Variants in NKAIN3 observed in about 807,000 individuals in gnomAD.
NKAIN3 encodes the protein sodium/potassium-transporting ATPase subunit beta-1-interacting protein 3.
A neutral mutation model predicts 30.2 loss-of-function variants in NKAIN3; 25 were observed. That is an observed-to-expected ratio of 0.83 (90% CI 0.60 to 1.16). The LOEUF is 1.16. Among genes scored for constraint, NKAIN3 ranks in the 50% most tolerant of loss-of-function variants. The probability of loss-of-function intolerance (pLI) is 0.00; values close to 1 mark genes in which losing one functional copy is unlikely to be tolerated. For synonymous variants in NKAIN3, 91 were observed against 89.6 expected, an observed-to-expected ratio of 1.02 and a Z score of -0.09; for missense variants, 225 against 254.1, an observed-to-expected ratio of 0.89 and a Z score of 0.78.
chr8:62,379,271 G>C (rs2351663), intron 1 of NKAIN3, among the ~76,000 whole-genome samples: 6 of 151,994 alleles, frequency 3.9e-5, no homozygotes, highest in Admixed American at 3.9e-4. Flanking sequence ...GATTTTACAG[G>C]CTTATAGGCA....
intron 4 of NKAIN3, among the ~76,000 whole-genome samples, chr8:62,785,022 T>C (rs558476339): frequency 3.3e-5 from 5 of 152,282 alleles, no homozygotes; most frequent in African/African-American, 1.2e-4. Flanking sequence ...AAATGTAGGA[T>C]GATGCAGCTG....
intron 4 of NKAIN3, among the ~76,000 whole-genome samples, chr8:62,835,151 C>G (rs1200784031): frequency 6.6e-6 from 1 of 150,660 alleles, no homozygotes; most frequent in Admixed American, 6.6e-5. Context: ...GAATACCTAC[C>G]TTTCACATAT....
At chr8:62,741,942 G>C (rs1815910880) in intron 3 of NKAIN3, among the ~76,000 whole-genome samples, 1 of 151,752 alleles carries the variant, frequency 6.6e-6, no homozygotes, top group South Asian at 2.1e-4. Context: ...TTTATTTTTG[G>C]GTTTCTCTGT....
chr8:62,913,252 A>G (rs1413372907), intron 4 of NKAIN3, among the ~76,000 whole-genome samples: 1 of 152,184 alleles, frequency 6.6e-6, no homozygotes, highest in Non-Finnish European at 1.5e-5. Flanking sequence ...ATCAAGTATT[A>G]TATACTATAT....
rs1823713970 is a variant in NKAIN3 at position 62,966,418 on chromosome 8, A to C, written c.*1011A>C. 9 of 981,702 alleles carry C rather than the reference A, an allele frequency of 9.2e-6. No homozygotes were observed. The South Asian group carries it at 3.8e-4, about 41-fold the overall frequency. The allele number at this position is 981,702 out of a possible 1,614,324, so 60.8% of individuals were successfully genotyped here. A position where few individuals can be genotyped will look rare whatever the true frequency, so the allele number is the denominator to read the frequency against. ...AAGGACTGTCTTGAAAACGCATCAC[A>C]GTTGTATTTTTTTAACTGGCATAAA... On this transcript the variant is annotated 3_prime_UTR_variant, in exon 7 of 7. Transcript: ENST00000623646.
chr8:62,420,674 T>C (rs1481198062), intron 1 of NKAIN3, among the ~76,000 whole-genome samples: 2 of 152,170 alleles, frequency 1.3e-5, no homozygotes, highest in African/African-American at 2.4e-5. Flanking sequence ...TAAAAGGATG[T>C]GTTTTGGATT....
chr8:62,628,735 A>G (rs1210731245), intron 3 of NKAIN3, among the ~76,000 whole-genome samples: 2 of 151,814 alleles, frequency 1.3e-5, no homozygotes, highest in Non-Finnish European at 2.9e-5. Context: ...CAGTTTATCA[A>G]GAAGTTCTTA....
intron 1 of NKAIN3, among the ~76,000 whole-genome samples, chr8:62,446,277 T>G (rs1413353695): frequency 6.6e-6 from 1 of 152,108 alleles, no homozygotes; most frequent in Non-Finnish European, 1.5e-5. Context: ...ATTATAACAC[T>G]GAAGGAAGAG....
chr8:62,408,034 A>G (rs749510971), intron 1 of NKAIN3, among the ~76,000 whole-genome samples: 26 of 152,144 alleles, frequency 1.7e-4, no homozygotes, highest in Non-Finnish European at 2.8e-4. Flanking sequence ...GTCTCTAAAT[A>G]CATATATGTT....
intron 2 of NKAIN3, among the ~76,000 whole-genome samples, chr8:62,586,178 T>A (rs1810467022): frequency 6.6e-6 from 1 of 152,202 alleles, no homozygotes; most frequent in Admixed American, 6.5e-5. Context: ...TAATCTGAAT[T>A]GTTATATAGC....
At chr8:62,258,942 G>A (rs1812344950) in intron 1 of NKAIN3, among the ~76,000 whole-genome samples, 1 of 152,112 alleles carries the variant, frequency 6.6e-6, no homozygotes, top group South Asian at 2.1e-4. Flanking sequence ...TTTGGCCCAA[G>A]GCCTTAATAT....
intron 1 of NKAIN3, among the ~76,000 whole-genome samples, chr8:62,256,147 C>G (rs1162951155): frequency 6.6e-6 from 1 of 151,980 alleles, no homozygotes; most frequent in Non-Finnish European, 1.5e-5. Flanking sequence ...GGTGTGGTGC[C>G]TCATGCCTGT....
At chr8:62,864,369 C>A (rs555199080) in intron 4 of NKAIN3, among the ~76,000 whole-genome samples, 7 of 152,170 alleles carry the variant, frequency 4.6e-5, no homozygotes, top group South Asian at 4.2e-4. Context: ...CGAACATAGA[C>A]CCTACGTGGA....
intron 1 of NKAIN3, among the ~76,000 whole-genome samples, chr8:62,326,746 C>G (rs1002652278): frequency 8.6e-5 from 13 of 151,854 alleles, no homozygotes; most frequent in Admixed American, 8.5e-4. Context: ...TTGTGAATAA[C>G]GCTGCCATGA....
chr8:62,327,024 G>A (rs1344000024), intron 1 of NKAIN3, among the ~76,000 whole-genome samples: 1 of 151,970 alleles, frequency 6.6e-6, no homozygotes, highest in Non-Finnish European at 1.5e-5. Flanking sequence ...CAACCTAATG[G>A]TGATATCTCA....
intron 3 of NKAIN3, among the ~76,000 whole-genome samples, chr8:62,665,147 T>G (rs192707289): frequency 9.2e-5 from 14 of 152,268 alleles, no homozygotes; most frequent in Admixed American, 6.5e-4. Flanking sequence ...TCCAGGAAAT[T>G]CACATGCACA....
Position 62,965,991 on chromosome 8 carries a change from T to C in NKAIN3, c.*584T>C. 1 of 985,048 alleles carries C rather than the reference T, an allele frequency of 1.0e-6. No individual in the cohort carries two copies. 61.0% of individuals were successfully genotyped at this position (985,048 alleles called of 1,614,324 possible). ...GACTTCTTAAAACCCAGAACGATATTATGGCAATCTAAATTTTCAGATTCG... is the reference window on the plus strand; with the variant it reads ...GACTTCTTAAAACCCAGAACGATATCATGGCAATCTAAATTTTCAGATTCG... On this transcript the variant is annotated 3_prime_UTR_variant, in exon 7 of 7. Coordinates refer to ENST00000623646, the MANE Select transcript of NKAIN3 (RefSeq NM_001304533.3).
At chr8:62,611,021 TG>T (rs974333208) in intron 3 of NKAIN3, among the ~76,000 whole-genome samples, 1 of 152,002 alleles carries the variant, frequency 6.6e-6, no homozygotes, top group Admixed American at 6.6e-5. Context: ...GAAATTTCAG[TG>T]GGGGAAAAAA....
chr8:62,889,969 G>T (rs2130823713), intron 4 of NKAIN3, among the ~76,000 whole-genome samples: 1 of 152,248 alleles, frequency 6.6e-6, no homozygotes, highest in East Asian at 1.9e-4. Context: ...GATTTTGGTT[G>T]GTTTCAAGAC....
Sources: gnomAD v4.1 joint callset for allele counts (sites outside exome capture counted in the v4.1 genomes callset) on GRCh38, gnomAD v4.1.1 for gene constraint, MANE v1.5 for transcripts, NCBI Gene and HGNC (gene_info 2026-07-23, HGNC 2026-07-21) for gene names.